PKD1L1: variants seen among roughly 807,000 people sequenced by gnomAD.
PKD1L1 encodes polycystin 1 like 1, transient receptor potential channel interacting, also known as polycystin-1-like protein 1.
PKD1L1 carries 236 observed loss-of-function variants against 323.4 expected under a neutral mutation model. The observed-to-expected ratio is 0.73, with a 90% CI of 0.66 to 0.81. The LOEUF is 0.81. PKD1L1 is among the 40% of genes least tolerant of loss of function. The probability of loss-of-function intolerance (pLI) is 0.00; values close to 1 mark genes in which losing one functional copy is unlikely to be tolerated. For missense variants in PKD1L1, 3,320 were observed against 3,508.0 expected (o/e 0.95, Z 1.35); for synonymous variants, 1,344 against 1,335.0 (o/e 1.01, Z -0.15).
chr7:47,900,386 C>A (rs973162935), intron 13 of PKD1L1, among the ~76,000 whole-genome samples: 10 of 152,202 alleles, frequency 6.6e-5, no homozygotes, highest in African/African-American at 2.4e-4. Context: ...TGTGAAAAGG[C>A]CATACACTTG....
chr7:47,800,617 A>G (rs747266362), intron 54 of PKD1L1, 32 bp downstream of exon 54: 2 of 1,601,966 alleles, frequency 1.2e-6, no homozygotes, highest in East Asian at 2.2e-5. Flanking sequence ...TTTACAAACC[A>G]TAACTTGAAA....
At chr7:47,843,353 G>A (rs1785602297) in intron 33 of PKD1L1, among the ~76,000 whole-genome samples, 184 bp from the exon 34 acceptor site, 1 of 152,184 alleles carries the variant, frequency 6.6e-6, no homozygotes, top group East Asian at 1.9e-4. Flanking sequence ...CTGTGGTCCA[G>A]TGAGCAGCAC....
intron 54 of PKD1L1, among the ~76,000 whole-genome samples, chr7:47,797,968 A>G (rs975087824): frequency 1.3e-5 from 2 of 152,252 alleles, no homozygotes; most frequent in African/African-American, 4.8e-5. Context: ...AGAGAAATAC[A>G]GAATTCTAGG....
chr7:47,954,514 G>A, the PKD1L1 span, among the ~76,000 whole-genome samples: 1 of 152,116 alleles, frequency 6.6e-6, no homozygotes, highest in East Asian at 1.9e-4. Context: ...TCTGCCTTGT[G>A]CCCTTCTGCC....
intron 52 of PKD1L1, among the ~76,000 whole-genome samples, chr7:47,805,120 C>T (rs1784750748): frequency 7.1e-6 from 1 of 141,682 alleles, no homozygotes; most frequent in Non-Finnish European, 1.6e-5. Flanking sequence ...CACACACACA[C>T]ATTCAAATCC....
In PKD1L1 at chr7:47,905,295, A is replaced by C. The variant is rs1247920264; in HGVS notation, c.1553T>G (p.Phe518Cys). 17 of 1,614,026 alleles carry C rather than the reference A, an allele frequency of 1.1e-5. No individual in the cohort carries two copies. The highest frequency in any genetic ancestry group is 1.4e-5 in the Non-Finnish European group (17 of 1,180,036). ...AAATGTAATGTCTGTGTCTGTGGCA[A>C]ACACAGTTCCATTTGTGTAGACAGA... ...SVSVYTNGTV[F>C]ATDTDITFTA... The change falls in exon 11 of 57, where the codon TTT becomes TGT. Residue 518 changes from phenylalanine to cysteine, a missense_variant. Coordinates refer to ENST00000289672, the MANE Select transcript of PKD1L1 (RefSeq NM_138295.5).
chr7:47,790,939 T>C (rs1017846965), intron 56 of PKD1L1, among the ~76,000 whole-genome samples: 12 of 152,006 alleles, frequency 7.9e-5, no homozygotes, highest in African/African-American at 2.7e-4. Context: ...CTTCACTATA[T>C]TGCTCAGGCT....
At chr7:47,788,373 C>T (rs1359764422) in intron 56 of PKD1L1, among the ~76,000 whole-genome samples, 2 of 150,340 alleles carry the variant, frequency 1.3e-5, no homozygotes, top group African/African-American at 4.9e-5. Flanking sequence ...TCACTGCAAC[C>T]TCCACCTTCC....
chr7:47,930,135 C>G (rs1047365695), intron 6 of PKD1L1, among the ~76,000 whole-genome samples: 1 of 151,550 alleles, frequency 6.6e-6, no homozygotes, highest in Non-Finnish European at 1.5e-5. Context: ...GTGGCATAAA[C>G]GAAAGATTAA....
At chr7:47,904,724 G>C in intron 11 of PKD1L1, 107 bp from the exon 12 acceptor site, 1 of 1,293,304 alleles carries the variant, frequency 7.7e-7, no homozygotes, top group Non-Finnish European at 1.0e-6. Context: ...GGGGGAGGGG[G>C]AGGCAGCATT....
chr7:47,952,171 G>A (rs988486428), upstream of PKD1L1, among the ~76,000 whole-genome samples: 3 of 152,170 alleles, frequency 2.0e-5, no homozygotes, highest in Admixed American at 2.0e-4. Flanking sequence ...CAGTGCTTGG[G>A]CAAATTTTTG....
intron 3 of PKD1L1, among the ~76,000 whole-genome samples, chr7:47,939,429 G>A (rs1787937588): frequency 1.3e-5 from 2 of 152,160 alleles, no homozygotes; most frequent in Non-Finnish European, 2.9e-5. Context: ...ACTCTGGGCT[G>A]TCTGTGCATG....
At chr7:47,871,603 G>A (rs1786280886) in intron 24 of PKD1L1, among the ~76,000 whole-genome samples, 1 of 152,200 alleles carries the variant, frequency 6.6e-6, no homozygotes, top group South Asian at 2.1e-4. Context: ...GGGATAGTTT[G>A]AACAGGAATT....
chr7:47,808,711 C>T (rs143718344), intron 51 of PKD1L1, among the ~76,000 whole-genome samples: 26 of 152,170 alleles, frequency 1.7e-4, no homozygotes, highest in Non-Finnish European at 2.8e-4. Context: ...ATCTAAGCAT[C>T]GAAAAGATAC....
chr7:47,811,114 AATTCC>A (rs923618324), intron 50 of PKD1L1, among the ~76,000 whole-genome samples: 1 of 151,738 alleles, frequency 6.6e-6, no homozygotes, highest in Admixed American at 6.6e-5. Context: ...TTGATCATGG[AATTCC>A]AGCCTCTGGG....
chr7:47,954,954 A>G, the PKD1L1 span, among the ~76,000 whole-genome samples: 1 of 152,236 alleles, frequency 6.6e-6, no homozygotes, highest in Non-Finnish European at 1.5e-5. Flanking sequence ...TAGGAACTAG[A>G]TTCCAGGAAG....
chr7:47,942,002 C>T (rs1407048546), intron 2 of PKD1L1, among the ~76,000 whole-genome samples: 1 of 152,120 alleles, frequency 6.6e-6, no homozygotes, highest in Non-Finnish European at 1.5e-5. Flanking sequence ...ACTGACTCTC[C>T]TAGTCTTAAA....
chr7:47,873,676 G>GAAAAAA (rs1562967528), intron 24 of PKD1L1, among the ~76,000 whole-genome samples: 3 of 131,916 alleles, frequency 2.3e-5, no homozygotes, highest in Non-Finnish European at 3.1e-5. Context: ...AAAAAAGAAG[G>GAAAAAA]AGAAGAAAGT....
chr7:47,958,589 T>C, the PKD1L1 span, among the ~76,000 whole-genome samples: 1 of 151,926 alleles, frequency 6.6e-6, no homozygotes, highest in Non-Finnish European at 1.5e-5. Flanking sequence ...AATGGGCAAA[T>C]CAAACTACAT....
Sources: gnomAD v4.1 joint callset for allele counts (sites outside exome capture counted in the v4.1 genomes callset) on GRCh38, gnomAD v4.1.1 for gene constraint, MANE v1.5 for transcripts, NCBI Gene and HGNC (gene_info 2026-07-23, HGNC 2026-07-21) for gene names.